Variants in PARP2 observed in about 807,000 individuals in gnomAD.
PARP2 encodes poly(ADP-ribose) polymerase 2.
In PARP2, 57 loss-of-function variants were observed where a neutral mutation model predicts 77.8. The ratio of observed to expected loss-of-function variants is 0.73; its 90% CI spans 0.59 to 0.91. The LOEUF (loss-of-function observed/expected upper bound fraction) is 0.91. Ranked by LOEUF, PARP2 falls within the 40% of genes least tolerant of loss-of-function variation. The pLI, the probability that PARP2 is intolerant of heterozygous loss-of-function variation, is 0.00. For synonymous variants in PARP2, 226 were observed against 242.6 expected (o/e 0.93, Z 0.64); for missense variants, 651 against 689.0 (o/e 0.94, Z 0.62).
intron 13 of PARP2, 33 bp downstream of exon 13, chr14:20,356,722 G>C (rs1374446442): frequency 6.9e-7 from 1 of 1,459,460 alleles, no homozygotes; most frequent in South Asian, 1.1e-5. Flanking sequence ...AGGAGCACAG[G>C]GGAAAGGGAT....
chr14:20,347,356 GTATATATATATA>G (rs774986716), intron 4 of PARP2, among the ~76,000 whole-genome samples: 305 of 29,544 alleles, frequency 0.01, 3 homozygotes, highest in Admixed American at 0.017. Flanking sequence ...ATGTGTGTGT[GTATATATATATA>G]TATATATATA....
At position 20,354,178 on chromosome 14, in the gene PARP2, A is replaced by T. The variant is rs1884059870; in HGVS notation, c.694A>T (p.Ile232Phe). ...DLRVQELIKLICNVQAMEEMM... is the reference protein window; with the variant it reads ...DLRVQELIKLFCNVQAMEEMM... ...TCGGGTACAGGAGTTAATAAAGTTG[A>T]TCTGTAATGTTCAGGCCATGGAAGA... Residue 232 changes from isoleucine (I) to phenylalanine (F), a missense_variant, in exon 8 of 16, where the codon ATC becomes TTC. Physicochemically the swap from Ile to Phe is conservative, Grantham distance 21. Coordinates refer to ENST00000429687, the MANE Select transcript of PARP2 (RefSeq NM_001042618.2). 2 of 1,613,372 alleles carry T rather than the reference A, an allele frequency of 1.2e-6. No homozygotes were observed. The highest frequency in any genetic ancestry group is 1.1e-5 in the South Asian group (1 of 91,066).
rs1443547937 is a variant in PARP2, at chr14:20,357,660, G to C, written c.1576G>C (p.Gly526Arg). Residue 526 changes from glycine (G) to arginine (R), a missense_variant, in exon 16 of 16, where the codon GGA becomes CGA. Coordinates refer to ENST00000429687, the MANE Select transcript of PARP2 (RefSeq NM_001042618.2). ...CAGGAATGGGAGTACAGTGCCATTA[G>C]GACCAGCAAGTGACACAGGAATTCT... The part of the protein sequence containing the change: ...VTLNGSTVPL[G>R]PASDTGILNP... 6.2e-7 allele frequency: 1 copy of C among 1,613,450 alleles called. No individual in the cohort carries two copies. Among genetic ancestry groups the C allele is most frequent in the Admixed American group, 1.7e-5 (1 of 59,844 alleles).
intron 1 of PARP2, 34 bp downstream of exon 1, chr14:20,343,721 G>A: frequency 1.2e-6 from 2 of 1,603,350 alleles, no homozygotes; most frequent in Non-Finnish European, 1.7e-6. Context: ...CGGCATGCGG[G>A]GGGCGGGCAG....
Position 20,357,161 on chromosome 14 carries a change from G to T in PARP2, c.1428+12G>T. 1 of 1,308,002 alleles carries T rather than the reference G, an allele frequency of 7.6e-7. No individual in the cohort carries two copies. Among genetic ancestry groups the T allele is most frequent in the Non-Finnish European group, 1.1e-6 (1 of 918,140 alleles). The allele number at this position is 1,308,002 out of a possible 1,614,324, so 81.0% of individuals were successfully genotyped here. On this transcript the variant is annotated intron_variant, in intron 14 of 15. Transcript: ENST00000429687. ...TGCTCTTATCAGAGGTGAGACAGGAGTATGTCTGTGATCTCTAGTTTATTA... is the reference window on the plus strand; with the variant it reads ...TGCTCTTATCAGAGGTGAGACAGGATTATGTCTGTGATCTCTAGTTTATTA...
At chr14:20,352,169 A>C in intron 6 of PARP2, 76 bp from the exon 7 acceptor site, 1 of 768,940 alleles carries the variant, frequency 1.3e-6, no homozygotes, top group Non-Finnish European at 2.2e-6. Flanking sequence ...AATTCTTTGG[A>C]GATTTTCTGT....
chr14:20,356,766 T>A, intron 13 of PARP2, 77 bp downstream of exon 13: 2 of 1,127,614 alleles, frequency 1.8e-6, no homozygotes, highest in Non-Finnish European at 2.7e-6. Context: ...TTTCCTAGAT[T>A]AGGATTAGAT....
At chr14:20,347,377 TATATATATATATATATATA>T (rs1883788432) in intron 4 of PARP2, among the ~76,000 whole-genome samples, 1 of 18,416 alleles carries the variant, frequency 5.4e-5, no homozygotes, top group Non-Finnish European at 1.2e-4. Flanking sequence ...TATATATATA[TATATATATATATATATATA>T]TATTTTTTTT....
chr14:20,347,352 GTGTGTATATATATATATATATA>G (rs1883770460), intron 4 of PARP2, among the ~76,000 whole-genome samples: 15 of 51,812 alleles, frequency 2.9e-4, no homozygotes, highest in African/African-American at 1.2e-3. Context: ...TCATATGTGT[GTGTGTATATATATATATATATA>G]TATATATATA....
At chr14:20,351,438 C>T (rs1883951201) in intron 6 of PARP2, among the ~76,000 whole-genome samples, 1 of 152,192 alleles carries the variant, frequency 6.6e-6, no homozygotes, top group Non-Finnish European at 1.5e-5. Flanking sequence ...CTCAGCCTCC[C>T]AAAGTGCGGG....
chr14:20,345,112 G>A, intron 2 of PARP2, 25 bp downstream of exon 2: 1 of 1,613,066 alleles, frequency 6.2e-7, no homozygotes, highest in South Asian at 1.1e-5. Context: ...TCATGGGCCA[G>A]CAAAAGGGTC....
At chr14:20,352,900 G>T (rs1446342943) in intron 7 of PARP2, 2 of 150,166 alleles carry the variant, frequency 1.3e-5, no homozygotes, top group African/African-American at 4.9e-5. Context: ...TTTTGAGCTG[G>T]AGTTTGATTC....
intron 6 of PARP2, 104 bp from the exon 7 acceptor site, chr14:20,352,141 G>T: frequency 1.6e-6 from 1 of 637,402 alleles, no homozygotes. Context: ...GTGTAAAGGA[G>T]CTCAGTGCTG....
At chr14:20,350,811 G>C in intron 5 of PARP2, 189 bp downstream of exon 5, 1 of 604,938 alleles carries the variant, frequency 1.7e-6, no homozygotes, top group Non-Finnish European at 3.0e-6. Context: ...GTTCCCACTG[G>C]AAAAACTAAG....
chr14:20,356,109 C>G lies in PARP2; in HGVS notation c.1101+78C>G, dbSNP rs1043057033. ...CCATCCCACTGTTCTCTAACTACTT[C>G]TTGTCAAGAGCAAATTGTCAATTAG... On this transcript the variant is annotated intron_variant, in intron 11 of 15. Coordinates refer to ENST00000429687, the MANE Select transcript of PARP2 (RefSeq NM_001042618.2). 326 of 1,528,624 alleles carry G rather than the reference C, an allele frequency of 2.1e-4. 1 individual carries two copies. The highest frequency in any genetic ancestry group is 2.1e-4 in the Non-Finnish European group (231 of 1,122,848). 94.7% of individuals were successfully genotyped at this position (1,528,624 alleles called of 1,614,324 possible).
chr14:20,354,935 C>T lies in PARP2; in HGVS notation c.890C>T (p.Pro297Leu), dbSNP rs745922620. The T allele has an allele frequency of 4.3e-6, 7 of 1,613,542 alleles. No homozygotes were observed. Among genetic ancestry groups the T allele is most frequent in the South Asian group, 3.3e-5 (3 of 91,012 alleles). ...EACNEFYTRI[P>L]HDFGLRTPPL... ...TGCAATGAATTCTACACCAGGATTC[C>T]GCATGACTTTGGGTAAGGCCTGTGC... The change falls in exon 9 of 16, where the codon CCG (proline) becomes CTG (leucine). Residue 297 changes from proline to leucine, a missense_variant. Physicochemically the swap from Pro to Leu is moderately conservative, Grantham distance 98. Transcript: ENST00000429687.
intron 4 of PARP2, among the ~76,000 whole-genome samples, chr14:20,348,007 C>G (rs1039586560): frequency 1.3e-5 from 2 of 151,762 alleles, no homozygotes; most frequent in African/African-American, 4.8e-5. Flanking sequence ...CTGAGTAGCT[C>G]GGACTTCAGG....
chr14:20,350,799 G>A (rs1445361641), intron 5 of PARP2, 177 bp downstream of exon 5: 1 of 609,522 alleles, frequency 1.6e-6, no homozygotes, highest in Admixed American at 2.9e-5. Flanking sequence ...ATCCTCCTTA[G>A]AGTTCCCACT....
At chr14:20,351,018 C>T (rs755045915) in intron 5 of PARP2, 29 bp from the exon 6 acceptor site, 3 of 1,580,608 alleles carry the variant, frequency 1.9e-6, no homozygotes, top group Non-Finnish European at 2.6e-6. Flanking sequence ...TCTTAGGGAA[C>T]TATCTTATGT....
Sources: gnomAD v4.1 joint callset for allele counts (sites outside exome capture counted in the v4.1 genomes callset) on GRCh38, gnomAD v4.1.1 for gene constraint, MANE v1.5 for transcripts, NCBI Gene and HGNC (gene_info 2026-07-23, HGNC 2026-07-21) for gene names.